Variants in PPP1R3A observed in about 807,000 individuals in gnomAD.
The protein encoded by PPP1R3A is protein phosphatase 1 regulatory subunit 3A, also known as RG1.
Under a neutral mutation model 41.7 loss-of-function variants are expected in PPP1R3A, and 29 were observed. That is an observed-to-expected ratio of 0.70 (90% confidence interval 0.52 to 0.95). PPP1R3A has a LOEUF of 0.95. Ranked by LOEUF, PPP1R3A falls within the 40% of genes least tolerant of loss-of-function variation. PPP1R3A has a pLI of 0.00. For synonymous variants in PPP1R3A, 485 were observed against 453.4 expected (o/e 1.07, Z -0.89); for missense variants, 1,352 against 1,292.4 (o/e 1.05, Z -0.71).
chr7:113,898,733 C>T (rs1005676914), intron 1 of PPP1R3A, among the ~76,000 whole-genome samples: 4 of 151,734 alleles, frequency 2.6e-5, no homozygotes, highest in African/African-American at 4.8e-5. Context: ...TCTAGGATGA[C>T]CCTAGCCATA....
At chr7:113,885,114 C>A (rs150172106) in intron 1 of PPP1R3A, among the ~76,000 whole-genome samples, 1 of 152,096 alleles carries the variant, frequency 6.6e-6, no homozygotes, top group African/African-American at 2.4e-5. Context: ...GAGTCCAGTG[C>A]GCAATCTTAG....
At chr7:113,897,555 T>C (rs965133673) in intron 1 of PPP1R3A, among the ~76,000 whole-genome samples, 5 of 86,096 alleles carry the variant, frequency 5.8e-5, no homozygotes, top group African/African-American at 4.0e-5. Context: ...TGAGGCCCTG[T>C]CTCTTAAAGG....
intron 1 of PPP1R3A, among the ~76,000 whole-genome samples, chr7:113,909,490 A>G (rs1296761032): frequency 6.6e-6 from 1 of 151,064 alleles, no homozygotes; most frequent in African/African-American, 2.5e-5. Context: ...AGAGTGCCTT[A>G]GTTAAACTCC....
At chr7:113,890,446 T>C (rs893141549) in intron 1 of PPP1R3A, among the ~76,000 whole-genome samples, 2 of 152,064 alleles carry the variant, frequency 1.3e-5, no homozygotes, top group Non-Finnish European at 2.9e-5. Context: ...AACCTCAGAG[T>C]TAGCTGAGGT....
intron 1 of PPP1R3A, among the ~76,000 whole-genome samples, chr7:113,903,557 T>C (rs990353096): frequency 6.6e-6 from 1 of 151,760 alleles, no homozygotes; most frequent in Non-Finnish European, 1.5e-5. Context: ...GGACCATTCG[T>C]ATAACATCAT....
intron 1 of PPP1R3A, among the ~76,000 whole-genome samples, chr7:113,894,587 C>T (rs1258370762): frequency 6.6e-6 from 1 of 151,906 alleles, no homozygotes. Flanking sequence ...TTTATACTAC[C>T]TACAGCCTTC....
At chr7:113,917,328 C>G (rs777554354) in intron 1 of PPP1R3A, among the ~76,000 whole-genome samples, 10 of 152,000 alleles carry the variant, frequency 6.6e-5, no homozygotes, top group Non-Finnish European at 1.5e-4. Context: ...CTCTGGGATA[C>G]TGAGGAGCAG....
intron 1 of PPP1R3A, among the ~76,000 whole-genome samples, chr7:113,911,663 T>G (rs1332121528): frequency 6.6e-6 from 1 of 152,096 alleles, no homozygotes; most frequent in Non-Finnish European, 1.5e-5. Context: ...TGCTAAAATT[T>G]GGAAATCATT....
At chr7:113,907,486 G>A (rs1044764832) in intron 1 of PPP1R3A, among the ~76,000 whole-genome samples, 3 of 151,160 alleles carry the variant, frequency 2.0e-5, no homozygotes, top group Non-Finnish European at 4.4e-5. Flanking sequence ...TAACTACCTC[G>A]TGGGATTAAG....
intron 1 of PPP1R3A, among the ~76,000 whole-genome samples, chr7:113,916,932 A>G (rs994728855): frequency 5.9e-5 from 9 of 152,064 alleles, no homozygotes; most frequent in African/African-American, 2.2e-4. Context: ...CACAAAGTTG[A>G]TTAAGCCAAT....
intron 1 of PPP1R3A, among the ~76,000 whole-genome samples, chr7:113,907,869 A>C (rs766273822): frequency 2.0e-5 from 3 of 151,818 alleles, no homozygotes; most frequent in Non-Finnish European, 2.9e-5. Context: ...CAGACACAAA[A>C]ATATCTGGTA....
intron 1 of PPP1R3A, among the ~76,000 whole-genome samples, chr7:113,896,805 T>C (rs748225602): frequency 6.6e-6 from 1 of 151,874 alleles, no homozygotes; most frequent in Non-Finnish European, 1.5e-5. Context: ...ACTATTATTA[T>C]TATATTGGCA....
chr7:113,882,393 A>G, intron 1 of PPP1R3A, 73 bp from the exon 2 acceptor site: 1 of 896,776 alleles, frequency 1.1e-6, no homozygotes, highest in Non-Finnish European at 1.8e-6. Context: ...CACAGGGGGA[A>G]ATTCAATCAG....
At chr7:113,894,836 A>G (rs1041294742) in intron 1 of PPP1R3A, among the ~76,000 whole-genome samples, 7 of 151,996 alleles carry the variant, frequency 4.6e-5, no homozygotes, top group East Asian at 1.9e-4. Context: ...TCCAAACTCT[A>G]TAGTATTTGA....
intron 1 of PPP1R3A, among the ~76,000 whole-genome samples, chr7:113,891,105 A>C (rs1055894512): frequency 1.1e-3 from 171 of 150,522 alleles, no homozygotes; most frequent in East Asian, 2.3e-3. Flanking sequence ...AAAAAAAAAA[A>C]AAAAAAAAAC....
intron 1 of PPP1R3A, among the ~76,000 whole-genome samples, chr7:113,908,549 T>C (rs1797184343): frequency 6.6e-6 from 1 of 152,006 alleles, no homozygotes; most frequent in Non-Finnish European, 1.5e-5. Flanking sequence ...ATTTAGTATA[T>C]ATTCAAATAA....
At chr7:113,882,196 A>G (rs1009178835) in intron 2 of PPP1R3A, 33 bp from the exon 3 acceptor site, 1 of 1,601,408 alleles carries the variant, frequency 6.2e-7, no homozygotes, top group African/African-American at 1.3e-5. Flanking sequence ...CCTATGTAAG[A>G]TTGTTTTAAT....
chr7:113,912,900 C>T (rs903666904), intron 1 of PPP1R3A, among the ~76,000 whole-genome samples: 3 of 152,072 alleles, frequency 2.0e-5, no homozygotes, highest in East Asian at 1.9e-4. Context: ...AGGAGGATAC[C>T]CTTTTGTTCC....
intron 1 of PPP1R3A, among the ~76,000 whole-genome samples, chr7:113,891,895 C>A (rs1796897758): frequency 6.6e-6 from 1 of 151,888 alleles, no homozygotes; most frequent in African/African-American, 2.4e-5. Flanking sequence ...ATGGAATTAC[C>A]CAACCAGTTA....
Sources: allele counts gnomAD v4.1 joint callset (sites outside exome capture counted in the v4.1 genomes callset), GRCh38; gene constraint gnomAD v4.1.1; transcripts MANE v1.5; gene names NCBI Gene and HGNC (gene_info 2026-07-23, HGNC 2026-07-21).